TBC1D4: variants seen among roughly 807,000 people sequenced by gnomAD.
TBC1D4 encodes TBC (Tre-2, BUB2, CDC16) domain-containing protein.
TBC1D4 carries 121 observed loss-of-function variants against 142.5 expected under a neutral mutation model. The observed-to-expected ratio is 0.85, with a 90% CI of 0.73 to 0.99. TBC1D4 has a LOEUF of 0.99. Among genes scored for constraint, TBC1D4 ranks in the 50% least tolerant of loss-of-function variants. The probability of loss-of-function intolerance (pLI) is 0.00; values close to 1 mark genes in which losing one functional copy is unlikely to be tolerated. For synonymous variants in TBC1D4, 630 were observed against 628.2 expected (o/e 1.00, Z -0.04); for missense variants, 1,475 against 1,606.6 (o/e 0.92, Z 1.40).
At chr13:75,461,906 A>G (rs147836743) in intron 1 of TBC1D4, among the ~76,000 whole-genome samples, 1 of 152,348 alleles carries the variant, frequency 6.6e-6, no homozygotes, top group African/African-American at 2.4e-5. Flanking sequence ...GCTTCACTTC[A>G]TAATTAACAT....
intron 19 of TBC1D4, among the ~76,000 whole-genome samples, chr13:75,291,521 G>A (rs1050022560): frequency 1.3e-5 from 2 of 152,150 alleles, no homozygotes; most frequent in African/African-American, 2.4e-5. Flanking sequence ...ATCATCGGAG[G>A]GAGAATGTTT....
intron 12 of TBC1D4, among the ~76,000 whole-genome samples, chr13:75,313,153 G>C (rs528807811): frequency 1.3e-5 from 2 of 152,326 alleles, no homozygotes; most frequent in African/African-American, 4.8e-5. Flanking sequence ...ACCAGTCCTA[G>C]TTCTAATCTG....
chr13:75,421,650 C>T (rs146409759), intron 1 of TBC1D4, among the ~76,000 whole-genome samples: 389 of 151,920 alleles, frequency 2.6e-3, no homozygotes, highest in Middle Eastern at 0.017. Context: ...TGAAATGAAG[C>T]GGCATATCAT....
chr13:75,481,216 T>TCAA, intron 1 of TBC1D4, 54 bp downstream of exon 1: 1 of 772,276 alleles, frequency 1.3e-6, no homozygotes, highest in Non-Finnish European at 2.1e-6. Flanking sequence ...CCCGCCCTGC[T>TCAA]CCCCGATCCC....
chr13:75,299,328 A>G lies in TBC1D4; in HGVS notation c.3156+2T>C. The G allele has an allele frequency of 6.2e-7, 1 of 1,614,002 alleles. No individual in the cohort carries two copies. Among genetic ancestry groups the G allele is most frequent in the Non-Finnish European group, 8.5e-7 (1 of 1,180,000 alleles). ...CTTCCTCGGGAAGCACAAGTGCCTC[A>G]CCTGCAGCGACATCATGTCAGGTCT... On this transcript the variant is annotated splice_donor_variant, in intron 17 of 20. Transcript: ENST00000377636. LOFTEE classifies it high-confidence loss of function.
chr13:75,447,757 T>C (rs1887352694), intron 1 of TBC1D4, among the ~76,000 whole-genome samples: 1 of 152,058 alleles, frequency 6.6e-6, no homozygotes. Context: ...TCCTGTCAGA[T>C]CAGCAGCAGC....
In TBC1D4 at chr13:75,308,845, G is replaced by C. The variant is rs60930992; in HGVS notation, c.2593+1097C>G. ...AAGAAAAGAAGATGTATTTCCAAAGGATATTTAAAATCCTATGTACTTTTC... is the reference window on the plus strand; with the variant it reads ...AAGAAAAGAAGATGTATTTCCAAAGCATATTTAAAATCCTATGTACTTTTC... On this transcript the variant is annotated intron_variant, in intron 14 of 20. Transcript: ENST00000377636. Among the ~76,000 whole-genome samples the C allele has an allele frequency of 9.0e-3, 1,362 of 152,076 alleles. 26 individuals are homozygous for C. The highest frequency in any genetic ancestry group is 0.03 in the African/African-American group (1,262 of 41,466).
chr13:75,319,925 A>G (rs1878612613), intron 12 of TBC1D4, 89 bp downstream of exon 12: 13 of 1,468,900 alleles, frequency 8.9e-6, no homozygotes, highest in Non-Finnish European at 1.2e-5. Flanking sequence ...TCAGGAGACA[A>G]ACAAAACTGC....
intron 18 of TBC1D4, among the ~76,000 whole-genome samples, chr13:75,292,968 A>G (rs1417911381): frequency 6.6e-6 from 1 of 152,172 alleles, no homozygotes; most frequent in Non-Finnish European, 1.5e-5. Flanking sequence ...CAGCCTGGTC[A>G]ACATGGTGAA....
rs571379055 is a variant in TBC1D4 at position 75,463,121 on chromosome 13, T to G, written c.498+18149A>C. Among the ~76,000 whole-genome samples the G allele has an allele frequency of 2.0e-5, 3 of 152,142 alleles. No individual in the cohort carries two copies. In the South Asian group the frequency reaches 6.2e-4, roughly 32 times the overall value. On this transcript the variant is annotated intron_variant, in intron 1 of 20. Transcript: ENST00000377636. The stretch of plus-strand genomic sequence containing the variant: ...AAACACCCAAGCATTTGGTAACTGT[T>G]AACGCACTCACAGTATTGCCAATAT...
intron 13 of TBC1D4, among the ~76,000 whole-genome samples, chr13:75,312,463 G>A (rs1010804438): frequency 6.9e-6 from 1 of 144,956 alleles, no homozygotes; most frequent in Non-Finnish European, 1.5e-5. Flanking sequence ...AGGACATACA[G>A]CTTCTTTCCT....
At chr13:75,370,932 G>A (rs1354033259) in intron 1 of TBC1D4, among the ~76,000 whole-genome samples, 1 of 152,074 alleles carries the variant, frequency 6.6e-6, no homozygotes, top group East Asian at 1.9e-4. Flanking sequence ...ACACAGAGGG[G>A]GTTATCTCCA....
At chr13:75,470,088 T>C (rs944821045) in intron 1 of TBC1D4, among the ~76,000 whole-genome samples, 1 of 152,194 alleles carries the variant, frequency 6.6e-6, no homozygotes, top group African/African-American at 2.4e-5. Flanking sequence ...ATTTGAGCTT[T>C]AGTTTTCTCA....
chr13:75,440,229 AG>A (rs1886977761), intron 1 of TBC1D4, among the ~76,000 whole-genome samples: 1 of 152,170 alleles, frequency 6.6e-6, no homozygotes, highest in South Asian at 2.1e-4. Context: ...TGTTTCAACT[AG>A]GGGTGGATTG....
At chr13:75,452,434 T>C (rs1433600590) in intron 1 of TBC1D4, among the ~76,000 whole-genome samples, 1 of 152,214 alleles carries the variant, frequency 6.6e-6, no homozygotes, top group African/African-American at 2.4e-5. Flanking sequence ...TTTGTAAAAC[T>C]TGTCATATTG....
intron 1 of TBC1D4, among the ~76,000 whole-genome samples, chr13:75,459,167 A>C (rs1042903419): frequency 6.6e-6 from 1 of 152,144 alleles, no homozygotes; most frequent in Non-Finnish European, 1.5e-5. Flanking sequence ...CATGTTTTTT[A>C]CCAGCCTAGG....
At chr13:75,351,665 C>G (rs140108641) in intron 4 of TBC1D4, among the ~76,000 whole-genome samples, 1 of 148,002 alleles carries the variant, frequency 6.8e-6, no homozygotes, top group Non-Finnish European at 1.5e-5. Flanking sequence ...TGAGAACATG[C>G]GGTGTTTGGT....
At chr13:75,414,575 G>A (rs1037769985) in intron 1 of TBC1D4, among the ~76,000 whole-genome samples, 1 of 152,056 alleles carries the variant, frequency 6.6e-6, no homozygotes, top group Non-Finnish European at 1.5e-5. Context: ...GTGTGTTTAT[G>A]TTGGGAGAAG....
At chr13:75,424,002 G>C (rs1343539967) in intron 1 of TBC1D4, among the ~76,000 whole-genome samples, 1 of 152,196 alleles carries the variant, frequency 6.6e-6, no homozygotes, top group African/African-American at 2.4e-5. Flanking sequence ...AAAAAATTAT[G>C]AGTCGCACGC....
Sources: gnomAD v4.1 joint callset for allele counts (sites outside exome capture counted in the v4.1 genomes callset) on GRCh38, gnomAD v4.1.1 for gene constraint, MANE v1.5 for transcripts, NCBI Gene and HGNC (gene_info 2026-07-23, HGNC 2026-07-21) for gene names.